The following DDX28 variants were observed in gnomAD, a reference collection of about 807,000 sequenced individuals.
The protein encoded by DDX28 is DEAD-box helicase 28.
Under a neutral mutation model 26.8 loss-of-function variants are expected in DDX28, and 25 were observed. That is an observed-to-expected ratio of 0.93 (90% CI 0.68 to 1.30). DDX28 has a LOEUF of 1.30. DDX28 is among the 50% of genes most tolerant of loss of function. DDX28 has a pLI of 0.00. For synonymous variants in DDX28, 370 were observed against 311.9 expected (o/e 1.19, Z -1.96); for missense variants, 790 against 695.1 (o/e 1.14, Z -1.53).
Position 68,022,197 on chromosome 16 carries a change from C to A in DDX28, c.1006G>T (p.Gly336Cys). The change falls in exon 1 of 1, where the codon GGT (glycine) becomes TGT (cysteine). Residue 336 changes from glycine to cysteine, a missense_variant. Transcript: ENST00000332395. ...LVLVGATFPE[G>C]VGQLLNKVAS... ...ACTTTATTCAGCAACTGGCCTACAC[C>A]TTCGGGAAATGTGGCTCCTACCAGC... 6.2e-7 allele frequency: 1 copy of A among 1,614,180 alleles called. No individual in the cohort carries two copies.
chr16:68,021,371 C>T lies in DDX28; in HGVS notation c.*209G>A. On this transcript the variant is annotated 3_prime_UTR_variant, in exon 1 of 1. Coordinates refer to ENST00000332395, the MANE Select transcript of DDX28 (RefSeq NM_018380.4). ...ATACAAAGTCAAAATCCACTTGTGT[C>T]TTGCTAAAGACTACAGAAAGCCATG... 1 of 582,200 alleles carries T rather than the reference C, an allele frequency of 1.7e-6. No homozygotes were observed. Among genetic ancestry groups the T allele is most frequent in the Non-Finnish European group, 3.0e-6 (1 of 331,354 alleles). The allele number at this position is 582,200 out of a possible 1,614,324, so 36.1% of individuals were successfully genotyped here.
Position 68,023,149 on chromosome 16 carries a change from C to T in DDX28, c.54G>A (p.Leu18=), listed in dbSNP as rs1362737814. Residue 18 remains leucine (L), a synonymous_variant, in exon 1 of 1, where the codon CTG becomes CTA. Transcript: ENST00000332395. ...GGACCGTGAGGCCCCGTCGCGGCGC[C>T]AGGAGCAACCGAGTCACGAGGGAAA... ...RLFSLVTRLL[L]APRRGLTVRS... The T allele has an allele frequency of 6.2e-7, 1 of 1,607,502 alleles. No homozygotes were observed. The highest frequency in any genetic ancestry group is 8.5e-7 in the Non-Finnish European group (1 of 1,179,780).
In DDX28 at chr16:68,021,096, G is replaced by C. The variant is rs935478360; in HGVS notation, c.*484C>G. Among the ~76,000 whole-genome samples, 2 of 151,664 alleles carry C rather than the reference G, an allele frequency of 1.3e-5. No homozygotes were observed. The highest frequency in any genetic ancestry group is 4.8e-5 in the African/African-American group (2 of 41,246). On this transcript the variant is annotated 3_prime_UTR_variant, in exon 1 of 1. Transcript: ENST00000332395. Reference sequence around the variant, plus strand: ...CCCGTTTGTCTTGGGCATTGTTAGAGAGTAACTCTGTCTACTGCTAGTCAC... The same window carrying C: ...CCCGTTTGTCTTGGGCATTGTTAGACAGTAACTCTGTCTACTGCTAGTCAC...
Position 68,021,021 on chromosome 16 carries a change from G to A in DDX28, c.*559C>T, listed in dbSNP as rs2033228080. ...ATGTACAAGCAAAACTTCTGTGTTC[G>A]TCTACCCTTTACTTTTCTGCCAGTA... On this transcript the variant is annotated 3_prime_UTR_variant, in exon 1 of 1. Transcript: ENST00000332395. Among the ~76,000 whole-genome samples the A allele has an allele frequency of 2.0e-5, 3 of 151,622 alleles. No individual in the cohort carries two copies. The highest frequency in any genetic ancestry group is 2.0e-4 in the Admixed American group (3 of 15,184).
Position 68,022,713 on chromosome 16 carries a change from G to T in DDX28, c.490C>A (p.Arg164Ser). ...VQSSTIPSLLRGRHVVCAAET... is the reference protein window; with the variant it reads ...VQSSTIPSLLSGRHVVCAAET... ...GCGGCGCAAACGACATGGCGGCCGC[G>T]AAGTAGTGAGGGGATGGTGCTAGAC... The change falls in exon 1 of 1, where the codon CGC becomes AGC. Residue 164 changes from arginine to serine, a missense_variant. Physicochemically the swap from Arg to Ser is moderately radical, Grantham distance 110 (BLOSUM62 -1). Transcript: ENST00000332395. 1 of 1,613,282 alleles carries T rather than the reference G, an allele frequency of 6.2e-7. No homozygotes were observed. The highest frequency in any genetic ancestry group is 8.5e-7 in the Non-Finnish European group (1 of 1,180,024).
At position 68,023,133 on chromosome 16, in the gene DDX28, G is replaced by A. The variant is rs1188990475; in HGVS notation, c.70C>T (p.Leu24Phe). 1.9e-6 allele frequency: 3 copies of A among 1,605,792 alleles called. No individual in the cohort carries two copies. The highest frequency in any genetic ancestry group is 2.2e-5 in the South Asian group (2 of 91,058). ...GGTTCGTCGGGACTGCGGACCGTGA[G>A]GCCCCGTCGCGGCGCCAGGAGCAAC... is the stretch of plus-strand genomic sequence containing the variant. The part of the protein sequence containing the change: ...TRLLLAPRRG[L>F]TVRSPDEPLP... Residue 24 changes from leucine (L) to phenylalanine (F), a missense_variant, in exon 1 of 1, where the codon CTC becomes TTC. Coordinates refer to ENST00000332395, the MANE Select transcript of DDX28 (RefSeq NM_018380.4).
rs2033240303 is a variant in DDX28 at position 68,021,616 on chromosome 16, T to G, written c.1587A>C (p.Ala529=). ...GGGGCAAAGGCTCTTTCACCGAGGA[T>G]GCTAGTCCTGGAAGACTTCTCCTTC... is the stretch of plus-strand genomic sequence containing the variant. ...ARRRRSLPGL[A]SSVKEPLPQA... is the part of the protein sequence containing the mutation. The change falls in exon 1 of 1, where the codon GCA becomes GCC. Residue 529 remains alanine (A), a synonymous_variant. Coordinates refer to ENST00000332395, the MANE Select transcript of DDX28 (RefSeq NM_018380.4). The G allele has an allele frequency of 6.2e-7, 1 of 1,614,174 alleles. No homozygotes were observed. Among genetic ancestry groups the G allele is most frequent in the Admixed American group, 1.7e-5 (1 of 60,018 alleles).
Position 68,022,290 on chromosome 16 carries a change from C to G in DDX28, c.913G>C (p.Glu305Gln), listed in dbSNP as rs764346193. 16 of 1,614,088 alleles carry G rather than the reference C, an allele frequency of 9.9e-6. No individual in the cohort carries two copies. The highest frequency in any genetic ancestry group is 5.1e-6 in the Non-Finnish European group (6 of 1,180,020). Residue 305 changes from glutamate to glutamine, a missense_variant, in exon 1 of 1, where the codon GAG becomes CAG. By Grantham distance (29) the Glu-to-Gln change is conservative. Transcript: ENST00000332395. ...SFLELVDYIL[E>Q]KSHIAEGPAD... is the part of the protein sequence containing the mutation. Reference sequence around the variant, plus strand: ...GGGCCTTCTGCTATGTGGCTCTTCTCTAAGATGTAGTCCACCAGTTCCAGG... The same window carrying G: ...GGGCCTTCTGCTATGTGGCTCTTCTGTAAGATGTAGTCCACCAGTTCCAGG...
At position 68,023,182 on chromosome 16, in the gene DDX28, C is replaced by T. The variant is rs746456268; in HGVS notation, c.21G>A (p.Val7=). The T allele has an allele frequency of 6.2e-7, 1 of 1,609,818 alleles. No homozygotes were observed. Among genetic ancestry groups the T allele is most frequent in the Non-Finnish European group, 8.5e-7 (1 of 1,179,174 alleles). Residue 7 remains valine, a synonymous_variant, in exon 1 of 1, where the codon GTG becomes GTA. Coordinates refer to ENST00000332395, the MANE Select transcript of DDX28 (RefSeq NM_018380.4). MALTRP[V]RLFSLVTRLL... is the part of the protein sequence containing the mutation. ...ACCGAGTCACGAGGGAAAAGAGCCG[C>T]ACCGGCCGCGTTAGAGCCATGTTTC...
chr16:68,022,800 G>A lies in DDX28; in HGVS notation c.403C>T (p.Pro135Ser), dbSNP rs145119741. The A allele has an allele frequency of 3.0e-3, 4,783 of 1,589,150 alleles. 239 individuals are homozygous for A. The Admixed American group carries it at 0.076, about 25-fold the overall frequency. ...TCCTGTAGTGCGTGCAGCACACGGGGCTCCAGGCCCAGGTCAGCAAAGCTG... is the reference window on the plus strand; with the variant it reads ...TCCTGTAGTGCGTGCAGCACACGGGACTCCAGGCCCAGGTCAGCAAAGCTG... Reference protein sequence around the residue: ...KGSFADLGLEPRVLHALQEAA... With the variant: ...KGSFADLGLESRVLHALQEAA... The change falls in exon 1 of 1, where the codon CCC becomes TCC. Residue 135 changes from proline (P) to serine (S), a missense_variant. Transcript: ENST00000332395.
rs1454301245 is a variant in DDX28, at chr16:68,023,044, C to A, written c.159G>T (p.Arg53=). 1.3e-6 allele frequency: 2 copies of A among 1,594,328 alleles called. No individual in the cohort carries two copies. Among genetic ancestry groups the A allele is most frequent in the East Asian group, 4.5e-5 (2 of 44,564 alleles). ...CCAGCACCGGCCTCGGGAGGTTCCG[C>A]CGCCTGCTCTGCCGCTGTTCCAACT... is the stretch of plus-strand genomic sequence containing the variant. ...QRQLEQRQSR[R]RNLPRPVLVR... The change falls in exon 1 of 1, where the codon CGG becomes CGT. Residue 53 remains arginine (R), a synonymous_variant. Transcript: ENST00000332395.
Position 68,022,899 on chromosome 16 carries a change from C to T in DDX28, c.304G>A (p.Ala102Thr). 6.4e-7 allele frequency: 1 copy of T among 1,560,466 alleles called. No individual in the cohort carries two copies. The highest frequency in any genetic ancestry group is 2.3e-5 in the East Asian group (1 of 42,820). The change falls in exon 1 of 1, where the codon GCG becomes ACG. Residue 102 changes from alanine (A) to threonine (T), a missense_variant. Physicochemically the swap from Ala to Thr is moderately conservative, Grantham distance 58. Coordinates refer to ENST00000332395, the MANE Select transcript of DDX28 (RefSeq NM_018380.4). The stretch of plus-strand genomic sequence containing the variant: ...TCGATGGAGAAGTGGTCCCGACGCG[C>T]GCGTCGACTCTTCCAGCCTTGAGAG... Reference protein sequence around the residue: ...LASQGWKSRRARRDHFSIERA... With the variant: ...LASQGWKSRRTRRDHFSIERA...
In DDX28 at chr16:68,021,755, T is replaced by G; in HGVS notation, c.1448A>C (p.His483Pro). The change falls in exon 1 of 1, where the codon CAC becomes CCC. Residue 483 changes from histidine (H) to proline (P), a missense_variant. Physicochemically the swap from His to Pro is moderately conservative, Grantham distance 77. Transcript: ENST00000332395. ...CACACGGCCCACTCTCCCTGCTCTG[T>G]GGATGTAATCTTGCAGCGTTGGGGG... The part of the protein sequence containing the change: ...DFPPTLQDYI[H>P]RAGRVGRVGS... 1 of 1,614,178 alleles carries G rather than the reference T, an allele frequency of 6.2e-7. No individual in the cohort carries two copies. Among genetic ancestry groups the G allele is most frequent in the Non-Finnish European group, 8.5e-7 (1 of 1,180,038 alleles).
Position 68,021,745 on chromosome 16 carries a change from C to T in DDX28, c.1458G>A (p.Gly486=). 2 of 1,614,206 alleles carry T rather than the reference C, an allele frequency of 1.2e-6. No homozygotes were observed. The highest frequency in any genetic ancestry group is 1.7e-6 in the Non-Finnish European group (2 of 1,180,034). Residue 486 remains glycine (G), a synonymous_variant, in exon 1 of 1, where the codon GGG becomes GGA. Coordinates refer to ENST00000332395, the MANE Select transcript of DDX28 (RefSeq NM_018380.4). ...PTLQDYIHRA[G]RVGRVGSEVP... ...CCTCGCTCCCCACACGGCCCACTCT[C>T]CCTGCTCTGTGGATGTAATCTTGCA...
rs778260970 is a variant in DDX28 at position 68,022,655 on chromosome 16, A to G, written c.548T>C (p.Leu183Pro). 1 of 1,612,966 alleles carries G rather than the reference A, an allele frequency of 6.2e-7. No individual in the cohort carries two copies. The highest frequency in any genetic ancestry group is 1.7e-5 in the Admixed American group (1 of 59,950). ...CAAGAGCCGTTGAAGCAGCGGCAGG[A>G]GGTAGCTGAGAGTCTTGCCACTGCC... ...ETGSGKTLSY[L>P]LPLLQRLLGQ... is the part of the protein sequence containing the mutation. Residue 183 changes from leucine to proline, a missense_variant, in exon 1 of 1, where the codon CTC (leucine) becomes CCC (proline). Physicochemically the swap from Leu to Pro is moderately conservative, Grantham distance 98. Coordinates refer to ENST00000332395, the MANE Select transcript of DDX28 (RefSeq NM_018380.4).
Position 68,023,229 on chromosome 16 carries a change from C to G in DDX28, c.-27G>C. 1.9e-6 allele frequency: 3 copies of G among 1,588,702 alleles called. No individual in the cohort carries two copies. The highest frequency in any genetic ancestry group is 2.6e-6 in the Non-Finnish European group (3 of 1,166,208). ...TTTCCCTTAGTGCGGGAGAAGCGCACATCAGTGACGTCACGGACGCGCCGC... is the reference window on the plus strand; with the variant it reads ...TTTCCCTTAGTGCGGGAGAAGCGCAGATCAGTGACGTCACGGACGCGCCGC... On this transcript the variant is annotated 5_prime_UTR_variant, in exon 1 of 1. An upstream start codon of the reference 5' UTR is lost. Coordinates refer to ENST00000332395, the MANE Select transcript of DDX28 (RefSeq NM_018380.4).
Position 68,022,891 on chromosome 16 carries a change from C to T in DDX28, c.312G>A (p.Arg104=). The change falls in exon 1 of 1, where the codon CGG becomes CGA. Residue 104 remains arginine, a synonymous_variant. Coordinates refer to ENST00000332395, the MANE Select transcript of DDX28 (RefSeq NM_018380.4). The stretch of plus-strand genomic sequence containing the variant: ...GCGCGCGCTCGATGGAGAAGTGGTC[C>T]CGACGCGCGCGTCGACTCTTCCAGC... ...SQGWKSRRAR[R]DHFSIERAQQ... 2 of 1,565,362 alleles carry T rather than the reference C, an allele frequency of 1.3e-6. No individual in the cohort carries two copies. The highest frequency in any genetic ancestry group is 1.7e-6 in the Non-Finnish European group (2 of 1,156,794).
In DDX28 at chr16:68,022,824, T is replaced by G; in HGVS notation, c.379A>C (p.Ser127Arg). 6.3e-7 allele frequency: 1 copy of G among 1,577,774 alleles called. No individual in the cohort carries two copies. The highest frequency in any genetic ancestry group is 8.6e-7 in the Non-Finnish European group (1 of 1,161,754). Reference protein sequence around the residue: ...PAVRKLSSKGSFADLGLEPRV... With the variant: ...PAVRKLSSKGRFADLGLEPRV... ...GGCTCCAGGCCCAGGTCAGCAAAGC[T>G]GCCCTTAGACGAGAGCTTTCGCACC... is the stretch of plus-strand genomic sequence containing the variant. The change falls in exon 1 of 1, where the codon AGC (serine) becomes CGC (arginine). Residue 127 changes from serine (S) to arginine (R), a missense_variant. Coordinates refer to ENST00000332395, the MANE Select transcript of DDX28 (RefSeq NM_018380.4).
rs771118875 is a variant in DDX28, at chr16:68,022,663, G to C, written c.540C>G (p.Leu180=). The part of the protein sequence containing the change: ...CAAETGSGKT[L]SYLLPLLQRL... ...GTTGAAGCAGCGGCAGGAGGTAGCT[G>C]AGAGTCTTGCCACTGCCGGTTTCTG... The change falls in exon 1 of 1, where the codon CTC becomes CTG. Residue 180 remains leucine, a synonymous_variant. Coordinates refer to ENST00000332395, the MANE Select transcript of DDX28 (RefSeq NM_018380.4). 2.5e-6 allele frequency: 4 copies of C among 1,613,184 alleles called. No homozygotes were observed. The highest frequency in any genetic ancestry group is 1.7e-6 in the Non-Finnish European group (2 of 1,179,950).
Sources: gnomAD v4.1 joint callset for allele counts (sites outside exome capture counted in the v4.1 genomes callset) on GRCh38, gnomAD v4.1.1 for gene constraint, MANE v1.5 for transcripts, NCBI Gene and HGNC (gene_info 2026-07-23, HGNC 2026-07-21) for gene names.